The following PAPPA2 variants were observed in gnomAD, a reference collection of about 807,000 sequenced individuals.
The protein encoded by PAPPA2 is pappalysin-2.
PAPPA2 carries 86 observed loss-of-function variants against 176.4 expected under a neutral mutation model. The observed-to-expected ratio is 0.49, with a 90% CI of 0.41 to 0.58. The LOEUF is 0.58. PAPPA2 is among the 20% of genes least tolerant of loss of function. The pLI, the probability that PAPPA2 is intolerant of heterozygous loss-of-function variation, is 0.00. For missense variants in PAPPA2, 2,073 were observed against 2,256.9 expected, an observed-to-expected ratio of 0.92 and a Z score of 1.65; for synonymous variants, 809 against 852.2, an observed-to-expected ratio of 0.95 and a Z score of 0.88.
chr1:176,585,667 A>G (rs1158845484), intron 2 of PAPPA2, among the ~76,000 whole-genome samples: 3 of 151,548 alleles, frequency 2.0e-5, no homozygotes, highest in Non-Finnish European at 4.4e-5. Context: ...TAGGCTTTTT[A>G]TTCATTCTTT....
intron 2 of PAPPA2, among the ~76,000 whole-genome samples, chr1:176,574,073 C>T (rs753963911): frequency 6.6e-5 from 10 of 151,946 alleles, no homozygotes; most frequent in Non-Finnish European, 1.3e-4. Flanking sequence ...TGATTCAATC[C>T]ATTAGTGTAT....
chr1:176,483,390 T>C (rs569900964), intron 1 of PAPPA2, among the ~76,000 whole-genome samples: 3 of 149,930 alleles, frequency 2.0e-5, no homozygotes. Context: ...AAAAAGCAGC[T>C]ACTACTAGGG....
At chr1:176,584,305 A>G (rs1014046910) in intron 2 of PAPPA2, among the ~76,000 whole-genome samples, 3 of 151,946 alleles carry the variant, frequency 2.0e-5, no homozygotes, top group Non-Finnish European at 2.9e-5. Flanking sequence ...TTTGCTTTAT[A>G]TATCTGGGTG....
At chr1:176,593,339 A>G (rs1189285503) in intron 2 of PAPPA2, among the ~76,000 whole-genome samples, 1 of 152,236 alleles carries the variant, frequency 6.6e-6, no homozygotes, top group Admixed American at 6.5e-5. Context: ...TTATTTAACA[A>G]GCTTGGGGAG....
At chr1:176,808,973 C>T (rs1348290581) in intron 21 of PAPPA2, among the ~76,000 whole-genome samples, 1 of 152,094 alleles carries the variant, frequency 6.6e-6, no homozygotes, top group Non-Finnish European at 1.5e-5. Context: ...TTAAAATACT[C>T]AATGAACTAT....
chr1:176,467,885 G>A (rs949592941), intron 1 of PAPPA2, among the ~76,000 whole-genome samples: 3 of 152,166 alleles, frequency 2.0e-5, no homozygotes, highest in African/African-American at 7.2e-5. Context: ...TGCTGAAAAT[G>A]CAGATTAAAT....
chr1:176,801,961 C>T (rs1023238577), intron 21 of PAPPA2, among the ~76,000 whole-genome samples: 1 of 152,124 alleles, frequency 6.6e-6, no homozygotes, highest in Non-Finnish European at 1.5e-5. Flanking sequence ...TCTCCTCTGC[C>T]TGACTGCTGG....
intron 14 of PAPPA2, among the ~76,000 whole-genome samples, chr1:176,741,382 T>A (rs753655613): frequency 5.3e-5 from 8 of 152,150 alleles, no homozygotes; most frequent in African/African-American, 7.2e-5. Flanking sequence ...AGTGCTCAAT[T>A]CCTTGCCAAG....
At chr1:176,692,879 C>T (rs1468202815) in intron 6 of PAPPA2, among the ~76,000 whole-genome samples, 2 of 152,180 alleles carry the variant, frequency 1.3e-5, no homozygotes, top group Admixed American at 6.5e-5. Flanking sequence ...CCTACCTGCC[C>T]CACTTGACTG....
intron 2 of PAPPA2, among the ~76,000 whole-genome samples, chr1:176,582,815 T>A (rs1653070725): frequency 6.6e-6 from 1 of 152,204 alleles, no homozygotes. Context: ...TTTTTTTGGA[T>A]TAGTTTGAAA....
chr1:176,519,525 G>C (rs1388190963), intron 1 of PAPPA2, among the ~76,000 whole-genome samples: 2 of 152,170 alleles, frequency 1.3e-5, no homozygotes, highest in African/African-American at 2.4e-5. Context: ...TCTTGCTTCA[G>C]ATGAAGGTCC....
At chr1:176,634,665 A>C (rs1178817560) in intron 3 of PAPPA2, among the ~76,000 whole-genome samples, 3 of 151,768 alleles carry the variant, frequency 2.0e-5, no homozygotes, top group Admixed American at 6.6e-5. Context: ...TGATTTTGGG[A>C]GTGACAGTAA....
At chr1:176,634,795 GAGAGAGATAGATAGATAGATAGAT>G (rs1226490237) in intron 3 of PAPPA2, among the ~76,000 whole-genome samples, 14 of 103,826 alleles carry the variant, frequency 1.3e-4, no homozygotes, top group African/African-American at 5.1e-4. Context: ...AATTTCCAAG[GAGAGAGATAGATAGATAGATAGAT>G]AGATAGATAG....
intron 3 of PAPPA2, among the ~76,000 whole-genome samples, chr1:176,633,710 T>C (rs935048453): frequency 1.3e-4 from 20 of 152,098 alleles, no homozygotes; most frequent in Non-Finnish European, 2.4e-4. Flanking sequence ...GACAAAGGGC[T>C]AATATCCAGA....
intron 2 of PAPPA2, among the ~76,000 whole-genome samples, chr1:176,580,317 A>G (rs1030598764): frequency 3.3e-5 from 5 of 152,298 alleles, no homozygotes; most frequent in African/African-American, 1.2e-4. Flanking sequence ...AGTTCTATCT[A>G]TGTTGCTGCA....
chr1:176,740,019 T>C lies in PAPPA2; in HGVS notation c.3974T>C (p.Ile1325Thr), dbSNP rs764487940. 1.9e-6 allele frequency: 3 copies of C among 1,613,998 alleles called. No individual in the cohort carries two copies. Among genetic ancestry groups the C allele is most frequent in the Admixed American group, 3.3e-5 (2 of 60,002 alleles). ...GLSCQHNPLI[I>T]NVTHHQNVLF... ...TCATGCCAGCATAATCCACTGATTA[T>C]CAATGTGACCCATCACCAGAATGTC... The change falls in exon 14 of 23, where the codon ATC becomes ACC. Residue 1325 changes from isoleucine (I) to threonine (T), a missense_variant. This residue lies in a region of PAPPA2 where 846 missense variants were observed against 857.9 expected (regional missense o/e 0.99). Transcript: ENST00000367662.
intron 10 of PAPPA2, among the ~76,000 whole-genome samples, chr1:176,708,179 G>C (rs945087699): frequency 8.5e-5 from 13 of 152,158 alleles, no homozygotes; most frequent in African/African-American, 3.1e-4. Flanking sequence ...ACCTTAATTT[G>C]TGTCTATCAC....
Position 176,686,909 on chromosome 1 carries a change from G to T in PAPPA2, c.2138-3228G>T, listed in dbSNP as rs920637018. On this transcript the variant is annotated intron_variant, in intron 4 of 22. Coordinates refer to ENST00000367662, the MANE Select transcript of PAPPA2 (RefSeq NM_020318.3). ...GATCAGCTAATGCTCCACACTCCAA[G>T]TTCTTCTAGTTCTAGTCCAGAGGGA... 9.9e-5 allele frequency among the ~76,000 whole-genome samples: 15 copies of T among 152,284 alleles called. No homozygotes were observed. In the East Asian group the frequency reaches 2.9e-3, roughly 29 times the overall value.
At chr1:176,670,944 A>AT (rs1248496088) in intron 3 of PAPPA2, 26 bp from the exon 4 acceptor site, 1 of 1,612,430 alleles carries the variant, frequency 6.2e-7, no homozygotes, top group East Asian at 2.2e-5. Context: ...TTGCTGTGAC[A>AT]TTTTTTCATC....
Sources: gnomAD v4.1 joint callset for allele counts (sites outside exome capture counted in the v4.1 genomes callset) on GRCh38, gnomAD v4.1.1 for gene constraint, gnomAD v4.1.1 regional missense constraint, MANE v1.5 for transcripts, NCBI Gene and HGNC (gene_info 2026-07-23, HGNC 2026-07-21) for gene names.